Variants in THSD7B observed in about 807,000 individuals in gnomAD.
THSD7B encodes the protein thrombospondin type 1 domain containing 7B, also known as thrombospondin type-1 domain-containing protein 7B.
A neutral mutation model predicts 213.6 loss-of-function variants in THSD7B; 138 were observed. That is an observed-to-expected ratio of 0.65 (90% CI 0.56 to 0.74). THSD7B has a LOEUF of 0.74. Among genes scored for constraint, THSD7B ranks in the 30% least tolerant of loss-of-function variants. The pLI, the probability that THSD7B is intolerant of heterozygous loss-of-function variation, is 0.00. For synonymous variants in THSD7B, 742 were observed against 687.0 expected, an observed-to-expected ratio of 1.08 and a Z score of -1.25; for missense variants, 1,931 against 1,991.5, an observed-to-expected ratio of 0.97 and a Z score of 0.58.
intron 15 of THSD7B, among the ~76,000 whole-genome samples, chr2:137,462,171 G>A (rs900106635): frequency 2.0e-5 from 3 of 151,946 alleles, no homozygotes; most frequent in African/African-American, 7.2e-5. Context: ...TCCTGCTTGG[G>A]ACATGAAACA....
In THSD7B at chr2:137,010,896, T is replaced by C. The variant is rs556260496; in HGVS notation, c.140-45524T>C. 3.2e-3 allele frequency among the ~76,000 whole-genome samples: 481 copies of C among 152,276 alleles called. 2 individuals carry two copies. The highest frequency in any genetic ancestry group is 6.8e-3 in the Admixed American group (104 of 15,284). On this transcript the variant is annotated intron_variant, in intron 2 of 27. Coordinates refer to ENST00000409968, the MANE Select transcript of THSD7B (RefSeq NM_001316349.2). ...AGTAGTGGTAAGTGACTAAGTGCTA[T>C]GAAAAAATATATAGCACAATGGGAT...
rs116586233 is a variant in THSD7B, at chr2:137,243,414, C to T, written c.2266+842C>T. Among the ~76,000 whole-genome samples, 448 of 152,304 alleles carry T rather than the reference C, an allele frequency of 2.9e-3. 4 individuals carry two copies. Among genetic ancestry groups the T allele is most frequent in the African/African-American group, 0.01 (425 of 41,562 alleles). On this transcript the variant is annotated intron_variant, in intron 10 of 27. Transcript: ENST00000409968. ...AAAAGGAAAGACAGAAAGAATATTA[C>T]CTCTAATGCCCAGAGTTCAGTGAGT...
chr2:137,387,071 T>C (rs1216009510), intron 12 of THSD7B, among the ~76,000 whole-genome samples: 1 of 152,226 alleles, frequency 6.6e-6, no homozygotes, highest in Non-Finnish European at 1.5e-5. Flanking sequence ...CCTCCCATTT[T>C]GGGTGCGTTT....
intron 12 of THSD7B, among the ~76,000 whole-genome samples, chr2:137,375,691 T>C (rs927190312): frequency 2.0e-5 from 3 of 152,144 alleles, no homozygotes; most frequent in Admixed American, 2.0e-4. Context: ...GGAATTAAGG[T>C]GTGACAAATT....
intron 1 of THSD7B, among the ~76,000 whole-genome samples, chr2:136,812,125 AATTC>A (rs1334135660): frequency 1.3e-5 from 2 of 152,212 alleles, no homozygotes; most frequent in East Asian, 3.9e-4. Context: ...TTAAGTGATT[AATTC>A]ATTCTAAATA....
At chr2:137,165,869 A>T (rs1008032047) in intron 6 of THSD7B, among the ~76,000 whole-genome samples, 1 of 152,118 alleles carries the variant, frequency 6.6e-6, no homozygotes, top group Non-Finnish European at 1.5e-5. Context: ...GAATGTGGAG[A>T]GTAGGAGAGA....
chr2:137,325,463 G>T (rs1328386239), intron 12 of THSD7B, among the ~76,000 whole-genome samples: 3 of 152,018 alleles, frequency 2.0e-5, no homozygotes, highest in Admixed American at 6.5e-5. Flanking sequence ...TTCATGTATT[G>T]GTTGCCTGAC....
chr2:137,276,120 G>T (rs937932215), intron 12 of THSD7B, 94 bp downstream of exon 12: 6 of 873,478 alleles, frequency 6.9e-6, no homozygotes, highest in Admixed American at 3.1e-5. Context: ...TGAATGAATT[G>T]TGATATTATT....
chr2:137,277,991 C>T (rs557290409), intron 12 of THSD7B, among the ~76,000 whole-genome samples: 1 of 151,976 alleles, frequency 6.6e-6, no homozygotes, highest in South Asian at 2.1e-4. Flanking sequence ...CTTTGGGAAA[C>T]AGAGAGGTTT....
At chr2:137,600,464 G>A (rs1682054780) in intron 17 of THSD7B, among the ~76,000 whole-genome samples, 4 of 152,188 alleles carry the variant, frequency 2.6e-5, no homozygotes, top group Non-Finnish European at 5.9e-5. Flanking sequence ...CAGACTGGAT[G>A]TTATGGCTCA....
chr2:137,068,120 T>C (rs1173960673), intron 3 of THSD7B, among the ~76,000 whole-genome samples: 1 of 152,060 alleles, frequency 6.6e-6, no homozygotes, highest in Non-Finnish European at 1.5e-5. Context: ...AGCCATTTTC[T>C]CTATGACTTC....
chr2:137,656,780 C>A lies in THSD7B; in HGVS notation c.4106-16C>A, dbSNP rs1388587069. The A allele has an allele frequency of 2.5e-6, 4 of 1,611,446 alleles. No homozygotes were observed. Among genetic ancestry groups the A allele is most frequent in the Non-Finnish European group, 3.4e-6 (4 of 1,178,374 alleles). ...TTCATGCTGTTTTCTCCACCCTGTA[C>A]TGCATGACTGTCCAGGAGACTGCCA... On this transcript the variant is annotated splice_polypyrimidine_tract_variant and intron_variant, in intron 22 of 27. Coordinates refer to ENST00000409968, the MANE Select transcript of THSD7B (RefSeq NM_001316349.2).
chr2:137,094,454 T>G (rs1573819294), intron 3 of THSD7B, among the ~76,000 whole-genome samples: 1 of 151,996 alleles, frequency 6.6e-6, no homozygotes, highest in Non-Finnish European at 1.5e-5. Flanking sequence ...TTCTGTAGTC[T>G]CAGCTACTTG....
intron 3 of THSD7B, among the ~76,000 whole-genome samples, chr2:137,077,201 A>G (rs538594617): frequency 6.6e-6 from 1 of 152,198 alleles, no homozygotes; most frequent in South Asian, 2.1e-4. Context: ...TATATGTGCC[A>G]TCTTTTCTTA....
intron 19 of THSD7B, among the ~76,000 whole-genome samples, 196 bp from the exon 20 acceptor site, chr2:137,620,413 C>A (rs1201523258): frequency 2.0e-5 from 3 of 152,064 alleles, no homozygotes; most frequent in African/African-American, 7.2e-5. Context: ...TTTTGGCTGA[C>A]AAATTTTTAT....
At chr2:136,769,863 A>G (rs1681474036) in intron 1 of THSD7B, among the ~76,000 whole-genome samples, 1 of 152,202 alleles carries the variant, frequency 6.6e-6, no homozygotes, top group Non-Finnish European at 1.5e-5. Context: ...TCATTGTTGA[A>G]CTTAGGTGTT....
At chr2:136,823,683 T>C (rs1340086426) in intron 1 of THSD7B, among the ~76,000 whole-genome samples, 1 of 152,228 alleles carries the variant, frequency 6.6e-6, no homozygotes, top group South Asian at 2.1e-4. Flanking sequence ...CTTTCTTTTC[T>C]AAAGTTCATT....
chr2:137,199,223 C>T (rs1680829532), intron 7 of THSD7B, among the ~76,000 whole-genome samples: 1 of 152,080 alleles, frequency 6.6e-6, no homozygotes, highest in African/African-American at 2.4e-5. Flanking sequence ...ATGCTTTTCC[C>T]AGTCATTTCA....
intron 4 of THSD7B, among the ~76,000 whole-genome samples, chr2:137,109,786 G>A (rs1292951593): frequency 7.6e-6 from 1 of 131,948 alleles, no homozygotes; most frequent in African/African-American, 2.6e-5. Context: ...CCTGCTGTGA[G>A]ACCTGGTTCC....
Sources: gnomAD v4.1 joint callset for allele counts (sites outside exome capture counted in the v4.1 genomes callset) on GRCh38, gnomAD v4.1.1 for gene constraint, MANE v1.5 for transcripts, NCBI Gene and HGNC (gene_info 2026-07-23, HGNC 2026-07-21) for gene names.